PARL: variants seen among roughly 807,000 people sequenced by gnomAD.
PARL encodes presenilin-associated rhomboid-like protein, mitochondrial.
In PARL, 44 loss-of-function variants were observed where a neutral mutation model predicts 51.6. The ratio of observed to expected loss-of-function variants is 0.85; its 90% CI spans 0.67 to 1.10. PARL has a LOEUF of 1.10. PARL is among the 50% of genes least tolerant of loss of function. The pLI, the probability that PARL is intolerant of heterozygous loss-of-function variation, is 0.00. For missense variants in PARL, 441 were observed against 469.5 expected (o/e 0.94, Z 0.56); for synonymous variants, 172 against 164.0 (o/e 1.05, Z -0.37).
intron 1 of PARL, among the ~76,000 whole-genome samples, chr3:183,869,450 C>T (rs190815122): frequency 4.6e-5 from 7 of 152,144 alleles, no homozygotes; most frequent in African/African-American, 1.7e-4. Context: ...TCAGGTGATC[C>T]ACCCGCATTG....
intron 4 of PARL, among the ~76,000 whole-genome samples, chr3:183,848,642 C>G (rs1002972145): frequency 4.6e-5 from 7 of 152,188 alleles, no homozygotes; most frequent in Non-Finnish European, 1.0e-4. Flanking sequence ...ATTATTTGAC[C>G]TGGCTGTTGA....
chr3:183,878,711 TA>T (rs1734118751), intron 1 of PARL, among the ~76,000 whole-genome samples: 1 of 152,156 alleles, frequency 6.6e-6, no homozygotes, highest in Non-Finnish European at 1.5e-5. Context: ...GAAATCTCAT[TA>T]AAAACATTGT....
At chr3:183,852,300 T>C (rs1015755923) in intron 4 of PARL, among the ~76,000 whole-genome samples, 1 of 152,094 alleles carries the variant, frequency 6.6e-6, no homozygotes, top group Non-Finnish European at 1.5e-5. Flanking sequence ...GGTAAATACA[T>C]AGAATGGAAT....
chr3:183,834,669 TGTCAAA>T (rs1203104229), intron 7 of PARL, among the ~76,000 whole-genome samples: 1 of 152,116 alleles, frequency 6.6e-6, no homozygotes, highest in African/African-American at 2.4e-5. Flanking sequence ...GGTGTCTACA[TGTCAAA>T]GCTTACCAAA....
chr3:183,838,202 T>C (rs924025350), intron 7 of PARL, among the ~76,000 whole-genome samples: 3 of 151,882 alleles, frequency 2.0e-5, no homozygotes, highest in Non-Finnish European at 4.4e-5. Flanking sequence ...AATTTTGAAA[T>C]TTTTTGTAGA....
intron 4 of PARL, among the ~76,000 whole-genome samples, chr3:183,854,803 AT>A (rs2108644424): frequency 6.6e-6 from 1 of 151,628 alleles, no homozygotes; most frequent in Admixed American, 6.6e-5. Flanking sequence ...CTGGCTATAT[AT>A]ACCGAGAAAT....
At chr3:183,841,757 C>T (rs1432081538) in intron 6 of PARL, among the ~76,000 whole-genome samples, 1 of 152,190 alleles carries the variant, frequency 6.6e-6, no homozygotes, top group Non-Finnish European at 1.5e-5. Flanking sequence ...ACGATACCAT[C>T]TTCAAGACCA....
intron 4 of PARL, among the ~76,000 whole-genome samples, chr3:183,856,726 C>T (rs1321326837): frequency 1.3e-5 from 2 of 152,198 alleles, no homozygotes; most frequent in Non-Finnish European, 2.9e-5. Flanking sequence ...CTGTACTCTC[C>T]CTGCAGATGA....
At chr3:183,853,592 A>AC (rs1159611397) in intron 4 of PARL, among the ~76,000 whole-genome samples, 4 of 152,000 alleles carry the variant, frequency 2.6e-5, no homozygotes, top group African/African-American at 9.7e-5. Flanking sequence ...CTCAACAACA[A>AC]AAAAAAATCA....
chr3:183,841,477 G>C (rs1336399695), intron 6 of PARL, among the ~76,000 whole-genome samples: 2 of 152,116 alleles, frequency 1.3e-5, no homozygotes, highest in Non-Finnish European at 2.9e-5. Context: ...GTATCATGAG[G>C]TTTAGTCATT....
chr3:183,840,704 CTTTT>C, intron 6 of PARL, 64 bp from the exon 7 acceptor site: 1 of 747,482 alleles, frequency 1.3e-6, no homozygotes, highest in Non-Finnish European at 2.2e-6. Flanking sequence ...TTTTTTTTTT[CTTTT>C]CTTTTTTTTT....
At chr3:183,846,046 T>TGCTTCCTCTGTCAGTTCCATGGGCA (rs1392171290) in intron 4 of PARL, among the ~76,000 whole-genome samples, 2 of 152,138 alleles carry the variant, frequency 1.3e-5, no homozygotes, top group Admixed American at 6.6e-5. Context: ...ACGACTACTC[T>TGCTTCCTCTGTCAGTTCCATGGGCA]GCTTCCTCTG....
Position 183,884,796 on chromosome 3 carries a change from C to G in PARL, c.51G>C (p.Trp17Cys). Residue 17 changes from tryptophan to cysteine, a missense_variant, in exon 1 of 10, where the codon TGG becomes TGC. Coordinates refer to ENST00000317096, the MANE Select transcript of PARL (RefSeq NM_018622.7). ...AQRGWGCGQA[W>C]GASVGGRSCE... ...AGCTGCGGCCGCCCACCGACGCACCCCACGCCTGGCCGCAGCCCCAGCCTC... is the reference window on the plus strand; with the variant it reads ...AGCTGCGGCCGCCCACCGACGCACCGCACGCCTGGCCGCAGCCCCAGCCTC... 6.3e-7 allele frequency: 1 copy of G among 1,594,716 alleles called. No homozygotes were observed. Among genetic ancestry groups the G allele is most frequent in the Non-Finnish European group, 8.5e-7 (1 of 1,177,336 alleles).
chr3:183,868,391 C>T (rs1732780077), intron 1 of PARL, among the ~76,000 whole-genome samples: 1 of 145,434 alleles, frequency 6.9e-6, no homozygotes, highest in Non-Finnish European at 1.5e-5. Context: ...TTGTCCGTTT[C>T]TTTTTTTTTT....
chr3:183,852,565 A>G (rs1730673896), intron 4 of PARL, among the ~76,000 whole-genome samples: 2 of 152,096 alleles, frequency 1.3e-5, no homozygotes, highest in Admixed American at 1.3e-4. Flanking sequence ...AGTCCTGGAA[A>G]TAGATAGTAG....
chr3:183,832,387 T>A (rs531812078), intron 9 of PARL, among the ~76,000 whole-genome samples: 6 of 151,842 alleles, frequency 4.0e-5, no homozygotes, highest in Non-Finnish European at 8.8e-5. Flanking sequence ...CCCGGCTAAG[T>A]TTTTTGTATT....
chr3:183,851,701 C>T (rs10937154), intron 4 of PARL, among the ~76,000 whole-genome samples: 34,291 of 151,706 alleles, frequency 0.23, 4,102 homozygotes, highest in East Asian at 0.45. Context: ...TAAAAAAAAA[C>T]TCAACAACCC....
At chr3:183,836,278 A>G (rs1333309179) in intron 7 of PARL, among the ~76,000 whole-genome samples, 1 of 150,736 alleles carries the variant, frequency 6.6e-6, no homozygotes, top group African/African-American at 2.4e-5. Context: ...CTACTATTCC[A>G]TAGATGATTA....
chr3:183,828,540 G>T (rs1727589428), downstream of PARL, among the ~76,000 whole-genome samples: 2 of 152,190 alleles, frequency 1.3e-5, no homozygotes, highest in African/African-American at 2.4e-5. Flanking sequence ...GTAGAAACAA[G>T]TCCAGCCTGA....
Sources: gnomAD v4.1 joint callset for allele counts (sites outside exome capture counted in the v4.1 genomes callset) on GRCh38, gnomAD v4.1.1 for gene constraint, MANE v1.5 for transcripts, NCBI Gene and HGNC (gene_info 2026-07-23, HGNC 2026-07-21) for gene names.